RNGTT: variants seen among roughly 807,000 people sequenced by gnomAD.
The protein encoded by RNGTT is RNA guanylyltransferase and 5'-phosphatase, also known as mRNA-capping enzyme.
In RNGTT, 33 loss-of-function variants were observed where a neutral mutation model predicts 79.3. The observed-to-expected ratio is 0.42, with a 90% CI of 0.32 to 0.56. The LOEUF (loss-of-function observed/expected upper bound fraction) is 0.56, where lower values mean the gene tolerates loss of function less well. Ranked by LOEUF, RNGTT falls within the 20% of genes least tolerant of loss-of-function variation. The pLI is 0.17. For synonymous variants in RNGTT, 222 were observed against 235.9 expected (o/e 0.94, Z 0.54); for missense variants, 497 against 739.1 (o/e 0.67, Z 3.80).
At chr6:88,862,786 C>G (rs369120095) in intron 8 of RNGTT, among the ~76,000 whole-genome samples, 6 of 152,328 alleles carry the variant, frequency 3.9e-5, no homozygotes, top group African/African-American at 1.2e-4. Context: ...GTAACACTGT[C>G]TAACCATTTT....
chr6:88,747,645 GA>G (rs1355688360), intron 13 of RNGTT, among the ~76,000 whole-genome samples: 1 of 152,190 alleles, frequency 6.6e-6, no homozygotes, highest in Non-Finnish European at 1.5e-5. Context: ...AGACAGTTGG[GA>G]AGAAAGCCTG....
intron 6 of RNGTT, among the ~76,000 whole-genome samples, chr6:88,898,890 A>G (rs980236944): frequency 6.6e-6 from 1 of 150,978 alleles, no homozygotes; most frequent in Non-Finnish European, 1.5e-5. Context: ...TCTTTAAGTC[A>G]TCTGTGTATG....
chr6:88,811,428 C>A (rs1040676), intron 11 of RNGTT, among the ~76,000 whole-genome samples: 4 of 152,092 alleles, frequency 2.6e-5, no homozygotes, highest in Admixed American at 2.6e-4. Context: ...ATTGGAGGAA[C>A]TGACAAAGGT....
intron 8 of RNGTT, among the ~76,000 whole-genome samples, chr6:88,861,728 T>A (rs1782020230): frequency 6.6e-6 from 1 of 152,130 alleles, no homozygotes; most frequent in South Asian, 2.1e-4. Flanking sequence ...CAATAAAGAA[T>A]CAGTGTCAAA....
Position 88,689,685 on chromosome 6 carries a change from AAAT to A in RNGTT, c.1440-11269_1440-11267del, listed in dbSNP as rs139543106. Among the ~76,000 whole-genome samples the A allele has an allele frequency of 2.9e-3, 442 of 152,138 alleles. 5 individuals are homozygous for A. The highest frequency in any genetic ancestry group is 7.6e-3 in the African/African-American group (315 of 41,524). ...GTAAAATTTATCTTAATACATGAAA[AAAT>A]AATGAGAAAAATTTAAATTCACCAA... On this transcript the variant is annotated intron_variant, in intron 13 of 15. Coordinates refer to ENST00000369485, the MANE Select transcript of RNGTT (RefSeq NM_003800.5).
chr6:88,771,975 C>A (rs943930355), intron 12 of RNGTT, among the ~76,000 whole-genome samples: 19 of 152,072 alleles, frequency 1.2e-4, no homozygotes, highest in African/African-American at 4.6e-4. Flanking sequence ...CCCAGGAGTT[C>A]GAGATCAGCC....
At chr6:88,751,448 A>G (rs1259195499) in intron 13 of RNGTT, among the ~76,000 whole-genome samples, 1 of 152,158 alleles carries the variant, frequency 6.6e-6, no homozygotes, top group Non-Finnish European at 1.5e-5. Context: ...TGATACTAAC[A>G]TATTAACTAT....
rs573982992 is a variant in RNGTT, at chr6:88,945,040, T to G, written c.65-3860A>C. 2.6e-5 allele frequency among the ~76,000 whole-genome samples: 4 copies of G among 152,350 alleles called. No homozygotes were observed. In the South Asian group the frequency reaches 8.3e-4, roughly 32 times the overall value. ...TATGACTAAGGTCCATCCACGGCCT[T>G]GGTAGACGGGCTGATGAAGATAGTC... On this transcript the variant is annotated intron_variant, in intron 1 of 15. Coordinates refer to ENST00000369485, the MANE Select transcript of RNGTT (RefSeq NM_003800.5).
intron 6 of RNGTT, among the ~76,000 whole-genome samples, chr6:88,896,732 CAGAG>C (rs1361929180): frequency 6.6e-6 from 1 of 152,154 alleles, no homozygotes. Context: ...TGTTTACAGT[CAGAG>C]AGTCTAAACT....
chr6:88,919,840 G>A (rs1464825920), intron 4 of RNGTT, among the ~76,000 whole-genome samples: 2 of 149,622 alleles, frequency 1.3e-5, no homozygotes, highest in African/African-American at 2.5e-5. Context: ...ACAGGCATGC[G>A]CCACCACGCC....
intron 14 of RNGTT, among the ~76,000 whole-genome samples, chr6:88,658,322 C>A (rs910235759): frequency 6.6e-6 from 1 of 152,174 alleles, no homozygotes; most frequent in Non-Finnish European, 1.5e-5. Flanking sequence ...AAACAACAAC[C>A]AATGATTCCT....
At chr6:88,725,725 C>T (rs1201345775) in intron 13 of RNGTT, among the ~76,000 whole-genome samples, 2 of 152,160 alleles carry the variant, frequency 1.3e-5, no homozygotes, top group Non-Finnish European at 2.9e-5. Context: ...CTCACACAAA[C>T]CTCCGGTAGT....
At chr6:88,767,378 A>G (rs1778496464) in intron 13 of RNGTT, among the ~76,000 whole-genome samples, 1 of 152,124 alleles carries the variant, frequency 6.6e-6, no homozygotes, top group African/African-American at 2.4e-5. Context: ...ACTGAATTAC[A>G]TCATGCTATG....
intron 11 of RNGTT, among the ~76,000 whole-genome samples, chr6:88,829,661 G>C (rs540439642): frequency 6.7e-6 from 1 of 148,438 alleles, no homozygotes; most frequent in African/African-American, 2.5e-5. Context: ...GACACACATA[G>C]GCTCAAAATA....
chr6:88,753,274 G>A (rs1045971041), intron 13 of RNGTT, among the ~76,000 whole-genome samples: 1 of 152,126 alleles, frequency 6.6e-6, no homozygotes, highest in African/African-American at 2.4e-5. Flanking sequence ...GGAGGTTGAG[G>A]CAGGAGGACT....
intron 6 of RNGTT, among the ~76,000 whole-genome samples, chr6:88,899,417 A>G (rs1236566714): frequency 6.6e-6 from 1 of 152,020 alleles, no homozygotes; most frequent in East Asian, 1.9e-4. Context: ...AGCTGAGACT[A>G]CAAGTGCACA....
intron 14 of RNGTT, among the ~76,000 whole-genome samples, chr6:88,628,369 C>A (rs1265892694): frequency 6.6e-6 from 1 of 152,070 alleles, no homozygotes; most frequent in Non-Finnish European, 1.5e-5. Flanking sequence ...ACTTTAAAAT[C>A]ATCAAATAAA....
At chr6:88,712,969 G>C (rs1776369232) in intron 13 of RNGTT, among the ~76,000 whole-genome samples, 1 of 152,160 alleles carries the variant, frequency 6.6e-6, no homozygotes, top group Non-Finnish European at 1.5e-5. Context: ...AGCAGAATAA[G>C]AGATGAATCT....
intron 13 of RNGTT, among the ~76,000 whole-genome samples, chr6:88,681,628 C>T (rs1310098196): frequency 1.3e-5 from 2 of 152,086 alleles, no homozygotes; most frequent in Admixed American, 1.3e-4. Flanking sequence ...ATATGTAACA[C>T]TTCATCATGC....
Sources: allele counts gnomAD v4.1 joint callset (sites outside exome capture counted in the v4.1 genomes callset), GRCh38; gene constraint gnomAD v4.1.1; transcripts MANE v1.5; gene names NCBI Gene and HGNC (gene_info 2026-07-23, HGNC 2026-07-21).